The following DOK6 variants were observed in gnomAD, a reference collection of about 807,000 sequenced individuals.
DOK6 encodes docking protein 6.
In DOK6, 22 loss-of-function variants were observed where a neutral mutation model predicts 44.0. That is an observed-to-expected ratio of 0.50 (90% CI 0.36 to 0.71). DOK6 has a LOEUF of 0.71. DOK6 is among the 30% of genes least tolerant of loss of function. The pLI is 0.00. For missense variants in DOK6, 340 were observed against 416.4 expected (o/e 0.82, Z 1.60); for synonymous variants, 166 against 145.5 (o/e 1.14, Z -1.01).
At chr18:69,526,455 G>C (rs1461624385) in intron 1 of DOK6, among the ~76,000 whole-genome samples, 1 of 152,038 alleles carries the variant, frequency 6.6e-6, no homozygotes, top group East Asian at 1.9e-4. Context: ...ATATTCCTTT[G>C]TATGAATATG....
At chr18:69,490,179 G>GCA (rs1255933472) in intron 1 of DOK6, among the ~76,000 whole-genome samples, 1 of 152,114 alleles carries the variant, frequency 6.6e-6, no homozygotes, top group African/African-American at 2.4e-5. Flanking sequence ...TGTAATGGGT[G>GCA]AATGCTCTGT....
At chr18:69,705,220 T>C (rs1355375103) in intron 5 of DOK6, 1 of 152,250 alleles carries the variant, frequency 6.6e-6, no homozygotes, top group East Asian at 1.9e-4. Flanking sequence ...AGTAGAGATC[T>C]GAAGGTTACT....
At chr18:69,530,122 T>C (rs1981943597) in intron 1 of DOK6, among the ~76,000 whole-genome samples, 1 of 152,164 alleles carries the variant, frequency 6.6e-6, no homozygotes, top group Non-Finnish European at 1.5e-5. Flanking sequence ...TAGAGAGTAC[T>C]AAACTGATGC....
intron 1 of DOK6, among the ~76,000 whole-genome samples, chr18:69,431,805 G>A (rs1978813701): frequency 6.6e-6 from 1 of 152,210 alleles, no homozygotes; most frequent in African/African-American, 2.4e-5. Flanking sequence ...TATATATTTT[G>A]TAACTTTTTA....
At chr18:69,726,910 A>G (rs1217251154) in intron 5 of DOK6, among the ~76,000 whole-genome samples, 1 of 151,424 alleles carries the variant, frequency 6.6e-6, no homozygotes, top group Non-Finnish European at 1.5e-5. Context: ...GCTGGAGTGC[A>G]GTGGCACCAT....
chr18:69,435,847 T>C (rs1014556885), intron 1 of DOK6, among the ~76,000 whole-genome samples: 2 of 152,164 alleles, frequency 1.3e-5, no homozygotes, highest in African/African-American at 4.8e-5. Context: ...CCCTTTAAAA[T>C]GTATCCAGTG....
At chr18:69,677,482 A>G (rs1026484521) in intron 3 of DOK6, among the ~76,000 whole-genome samples, 4 of 152,096 alleles carry the variant, frequency 2.6e-5, no homozygotes, top group Non-Finnish European at 4.4e-5. Context: ...TAAGAAACAA[A>G]TATTCTCAGA....
At chr18:69,640,591 T>C (rs1452158907) in intron 3 of DOK6, among the ~76,000 whole-genome samples, 2 of 152,248 alleles carry the variant, frequency 1.3e-5, no homozygotes, top group East Asian at 3.9e-4. Context: ...CAACAGCATC[T>C]AACCCTGGGG....
intron 3 of DOK6, among the ~76,000 whole-genome samples, chr18:69,605,429 C>T (rs1983972785): frequency 6.6e-6 from 1 of 152,068 alleles, no homozygotes; most frequent in Non-Finnish European, 1.5e-5. Flanking sequence ...ATGCTAATTA[C>T]CAAACGTATA....
chr18:69,756,759 G>A (rs1979368230), intron 6 of DOK6, among the ~76,000 whole-genome samples: 1 of 152,164 alleles, frequency 6.6e-6, no homozygotes. Flanking sequence ...TGCACCGTGG[G>A]AGGTACACAC....
chr18:69,691,713 T>C (rs1162488452), intron 4 of DOK6, among the ~76,000 whole-genome samples: 2 of 152,172 alleles, frequency 1.3e-5, no homozygotes, highest in East Asian at 1.9e-4. Flanking sequence ...GTGCACACTT[T>C]ATAGTTAGCT....
intron 1 of DOK6, among the ~76,000 whole-genome samples, chr18:69,499,396 A>G (rs190457595): frequency 6.6e-6 from 1 of 152,290 alleles, no homozygotes; most frequent in Non-Finnish European, 1.5e-5. Flanking sequence ...CTTACTGTGG[A>G]AAATAGGCTA....
chr18:69,626,962 G>A (rs922838194), intron 3 of DOK6, among the ~76,000 whole-genome samples: 1 of 150,786 alleles, frequency 6.6e-6, no homozygotes, highest in African/African-American at 2.5e-5. Flanking sequence ...GGACTGGTGA[G>A]AGGGGTCAGG....
At chr18:69,573,330 A>C (rs1002636240) in intron 2 of DOK6, among the ~76,000 whole-genome samples, 4 of 151,956 alleles carry the variant, frequency 2.6e-5, no homozygotes, top group Non-Finnish European at 5.9e-5. Flanking sequence ...TCATCTTGTG[A>C]TTAAAAACTA....
In DOK6 at chr18:69,435,865, T is replaced by C. The variant is rs141084186; in HGVS notation, c.66+34555T>C. Among the ~76,000 whole-genome samples, 1,024 of 152,258 alleles carry C rather than the reference T, an allele frequency of 6.7e-3. 13 individuals are homozygous for C. The highest frequency in any genetic ancestry group is 0.022 in the African/African-American group (930 of 41,566). Reference sequence around the variant, plus strand: ...TTTAAAATGTATCCAGTGTTTCTCTTGGCTCATATGTGCTTTTCTTTAGAT... The same window carrying C: ...TTTAAAATGTATCCAGTGTTTCTCTCGGCTCATATGTGCTTTTCTTTAGAT... On this transcript the variant is annotated intron_variant, in intron 1 of 7. Transcript: ENST00000382713.
At chr18:69,695,699 G>A (rs1459783079) in intron 4 of DOK6, among the ~76,000 whole-genome samples, 1 of 152,170 alleles carries the variant, frequency 6.6e-6, no homozygotes, top group African/African-American at 2.4e-5. Flanking sequence ...TTTTCTGCTG[G>A]ATTAAATTTG....
chr18:69,763,350 C>T (rs1006962353), intron 7 of DOK6, among the ~76,000 whole-genome samples: 9 of 152,162 alleles, frequency 5.9e-5, no homozygotes, highest in Non-Finnish European at 1.5e-5. Flanking sequence ...CTTATTTATA[C>T]TTCTCTAACT....
intron 1 of DOK6, 104 bp downstream of exon 1, chr18:69,401,414 G>A: frequency 7.9e-7 from 1 of 1,266,526 alleles, no homozygotes; most frequent in Non-Finnish European, 1.0e-6. Flanking sequence ...ACAGGGCAGA[G>A]AGGGACCCGG....
At chr18:69,825,427 CTTTTTTTTT>C (rs34656265) in intron 7 of DOK6, among the ~76,000 whole-genome samples, 5 of 82,958 alleles carry the variant, frequency 6.0e-5, no homozygotes, top group African/African-American at 2.5e-4. Flanking sequence ...ATCATAACTT[CTTTTTTTTT>C]TTTTTTTTTT....
Sources: allele counts gnomAD v4.1 joint callset (sites outside exome capture counted in the v4.1 genomes callset), GRCh38; gene constraint gnomAD v4.1.1; transcripts MANE v1.5; gene names NCBI Gene and HGNC (gene_info 2026-07-23, HGNC 2026-07-21).